KCNT2: variants seen among roughly 807,000 people sequenced by gnomAD.
KCNT2 encodes the protein potassium sodium-activated channel subfamily T member 2, also known as potassium channel subfamily T member 2.
Under a neutral mutation model 153.8 loss-of-function variants are expected in KCNT2, and 67 were observed. The observed-to-expected ratio is 0.44, with a 90% CI of 0.36 to 0.53. The LOEUF is 0.53. KCNT2 is among the 20% of genes least tolerant of loss of function. The pLI, the probability that KCNT2 is intolerant of heterozygous loss-of-function variation, is 0.00. For missense variants in KCNT2, 975 were observed against 1,354.8 expected (o/e 0.72, Z 4.40); for synonymous variants, 500 against 458.8 (o/e 1.09, Z -1.15).
At chr1:196,515,554 G>A (rs950105655) in intron 1 of KCNT2, among the ~76,000 whole-genome samples, 1 of 152,110 alleles carries the variant, frequency 6.6e-6, no homozygotes, top group Non-Finnish European at 1.5e-5. Context: ...GAAGAACTTT[G>A]TGAAAATAAC....
intron 25 of KCNT2, among the ~76,000 whole-genome samples, chr1:196,268,596 T>A (rs1657763524): frequency 1.3e-5 from 2 of 152,144 alleles, no homozygotes; most frequent in Non-Finnish European, 2.9e-5. Context: ...GTTTGACTGC[T>A]GACAGCTTTC....
intron 17 of KCNT2, 133 bp downstream of exon 17, chr1:196,333,714 A>G: frequency 1.6e-6 from 1 of 635,808 alleles, no homozygotes; most frequent in Non-Finnish European, 2.8e-6. Context: ...GTAGAAGTAT[A>G]TAGGAATGAT....
intron 8 of KCNT2, among the ~76,000 whole-genome samples, chr1:196,437,901 T>C (rs1318108049): frequency 6.6e-6 from 1 of 151,488 alleles, no homozygotes; most frequent in African/African-American, 2.4e-5. Flanking sequence ...TCACCCAGTC[T>C]GGTAAAAAAA....
intron 13 of KCNT2, among the ~76,000 whole-genome samples, chr1:196,379,776 G>A (rs531128658): frequency 1.3e-5 from 2 of 152,278 alleles, no homozygotes; most frequent in South Asian, 4.1e-4. Context: ...GGTATCACCA[G>A]TGAGTGTGCC....
chr1:196,542,235 A>G (rs1455158859), intron 1 of KCNT2, among the ~76,000 whole-genome samples: 2 of 152,178 alleles, frequency 1.3e-5, no homozygotes, highest in Non-Finnish European at 2.9e-5. Context: ...CTTTTGTCTC[A>G]TTAGAATTTG....
intron 8 of KCNT2, among the ~76,000 whole-genome samples, chr1:196,463,340 TATG>T (rs1394239934): frequency 1.3e-5 from 2 of 151,818 alleles, no homozygotes; most frequent in South Asian, 2.1e-4. Context: ...TATTCGATTT[TATG>T]ATGATGATCA....
chr1:196,371,986 T>C (rs1036242076), intron 14 of KCNT2, among the ~76,000 whole-genome samples: 6 of 152,104 alleles, frequency 3.9e-5, no homozygotes, highest in African/African-American at 1.4e-4. Flanking sequence ...GTTCACTTAA[T>C]TGGTGTTAAA....
At position 196,353,080 on chromosome 1, in the gene KCNT2, C is replaced by T. The variant is rs975112387; in HGVS notation, c.1404-10852G>A. Among the ~76,000 whole-genome samples, 3 of 151,920 alleles carry T rather than the reference C, an allele frequency of 2.0e-5. No homozygotes were observed. The South Asian group carries it at 6.2e-4, about 31-fold the overall frequency. On this transcript the variant is annotated intron_variant, in intron 14 of 27. Coordinates refer to ENST00000294725, the MANE Select transcript of KCNT2 (RefSeq NM_198503.5). ...TGGTCTTTTTAAACTATCGGTTGTGCTTCAGGAAACTCACGCGCAAGAGTA... is the reference window on the plus strand; with the variant it reads ...TGGTCTTTTTAAACTATCGGTTGTGTTTCAGGAAACTCACGCGCAAGAGTA...
intron 22 of KCNT2, among the ~76,000 whole-genome samples, chr1:196,298,305 C>T (rs1190589280): frequency 6.6e-6 from 1 of 152,182 alleles, no homozygotes; most frequent in African/African-American, 2.4e-5. Context: ...GTCCTAGGTA[C>T]CCTCAAGCCA....
At chr1:196,558,420 G>C (rs571431249) in intron 1 of KCNT2, among the ~76,000 whole-genome samples, 55 of 149,766 alleles carry the variant, frequency 3.7e-4, no homozygotes, top group Non-Finnish European at 5.8e-4. Context: ...TGTTTCTTTT[G>C]TTGTTTTTGT....
intron 8 of KCNT2, among the ~76,000 whole-genome samples, chr1:196,452,434 C>T (rs1311714124): frequency 2.0e-5 from 3 of 151,966 alleles, no homozygotes; most frequent in African/African-American, 7.2e-5. Context: ...ACTAAGCTCC[C>T]TATTTCACTA....
At position 196,228,182 on chromosome 1, in the gene KCNT2, A is replaced by G. The variant is rs1236327941; in HGVS notation, c.*42T>C. 11 of 1,220,596 alleles carry G rather than the reference A, an allele frequency of 9.0e-6. No homozygotes were observed. Among genetic ancestry groups the G allele is most frequent in the Non-Finnish European group, 1.3e-5 (11 of 833,564 alleles). The allele number at this position is 1,220,596 out of a possible 1,614,324, so 75.6% of individuals were successfully genotyped here. On this transcript the variant is annotated 3_prime_UTR_variant, in exon 28 of 28. Coordinates refer to ENST00000294725, the MANE Select transcript of KCNT2 (RefSeq NM_198503.5). ...TGCCAGCAAAACTTTTGTGGTTTCA[A>G]GCAAGGTCTTTGTAGGAAAAAAGTT...
chr1:196,282,505 AATCT>A lies in KCNT2; in HGVS notation c.2698-153_2698-150del, dbSNP rs1450320047. On this transcript the variant is annotated intron_variant, in intron 23 of 27. Coordinates refer to ENST00000294725, the MANE Select transcript of KCNT2 (RefSeq NM_198503.5). ...TAACCCTCCATACAAAAGTAAATTTAATCTATCTTGTTAGTATCCTAGATAAACA... is the reference window on the plus strand; with the variant it reads ...TAACCCTCCATACAAAAGTAAATTTAATCTTGTTAGTATCCTAGATAAACA... 1.6e-3 allele frequency: 825 copies of A among 514,464 alleles called. 24 individuals are homozygous for A. The East Asian group carries it at 0.024, about 15-fold the overall frequency. The allele number at this position is 514,464 out of a possible 1,614,324, so 31.9% of individuals were successfully genotyped here.
chr1:196,584,920 C>T (rs147873575), intron 1 of KCNT2, among the ~76,000 whole-genome samples: 1 of 152,012 alleles, frequency 6.6e-6, no homozygotes, highest in East Asian at 1.9e-4. Flanking sequence ...GTGGGGTTTG[C>T]AAAGATGAAC....
intron 1 of KCNT2, among the ~76,000 whole-genome samples, chr1:196,498,115 T>C (rs1327722313): frequency 6.6e-6 from 1 of 152,150 alleles, no homozygotes; most frequent in Admixed American, 6.5e-5. Flanking sequence ...TTCTGGTACT[T>C]GAGTTCAATG....
intron 14 of KCNT2, among the ~76,000 whole-genome samples, chr1:196,368,028 C>A (rs1668187746): frequency 6.6e-6 from 1 of 152,096 alleles, no homozygotes; most frequent in African/African-American, 2.4e-5. Flanking sequence ...AACAGAACAA[C>A]GTGCTCTGAT....
intron 22 of KCNT2, among the ~76,000 whole-genome samples, chr1:196,302,731 T>A (rs1432843522): frequency 7.1e-6 from 1 of 140,602 alleles, no homozygotes; most frequent in African/African-American, 2.8e-5. Context: ...CCAGCACAAC[T>A]TTTTTTTTTT....
chr1:196,359,058 A>T (rs1275559850), intron 14 of KCNT2, among the ~76,000 whole-genome samples: 2 of 152,024 alleles, frequency 1.3e-5, no homozygotes, highest in Non-Finnish European at 2.9e-5. Flanking sequence ...TATTTAAATT[A>T]TTCTAGGAAA....
chr1:196,338,027 G>A (rs1055958621), intron 16 of KCNT2, among the ~76,000 whole-genome samples: 1 of 151,912 alleles, frequency 6.6e-6, no homozygotes, highest in African/African-American at 2.4e-5. Flanking sequence ...TACATATTAG[G>A]CACACAATAA....
Sources: allele counts gnomAD v4.1 joint callset (sites outside exome capture counted in the v4.1 genomes callset), GRCh38; gene constraint gnomAD v4.1.1; transcripts MANE v1.5; gene names NCBI Gene and HGNC (gene_info 2026-07-23, HGNC 2026-07-21).